Variants in SLC4A5 observed in about 807,000 individuals in gnomAD.
The protein encoded by SLC4A5 is solute carrier family 4 member 5.
SLC4A5 carries 96 observed loss-of-function variants against 120.4 expected under a neutral mutation model. The observed-to-expected ratio is 0.80, with a 90% CI of 0.68 to 0.94. The LOEUF is 0.94. SLC4A5 is among the 40% of genes least tolerant of loss of function. SLC4A5 has a pLI of 0.00. For synonymous variants in SLC4A5, 550 were observed against 571.1 expected, an observed-to-expected ratio of 0.96 and a Z score of 0.53; for missense variants, 1,259 against 1,459.5, an observed-to-expected ratio of 0.86 and a Z score of 2.24.
rs1476764484 is a variant in SLC4A5 at position 74,227,888 on chromosome 2, G to C, written c.2848-10C>G. 6.3e-7 allele frequency: 1 copy of C among 1,599,314 alleles called. No individual in the cohort carries two copies. Among genetic ancestry groups the C allele is most frequent in the Non-Finnish European group, 8.5e-7 (1 of 1,173,474 alleles). ...CCGGCAGGGGGATACACTAAAATGA[G>C]AGCAGAGCTTTGGATCGGCCTCTGC... On this transcript the variant is annotated splice_polypyrimidine_tract_variant and intron_variant, in intron 25 of 30. Coordinates refer to ENST00000394019, the Ensembl canonical transcript of SLC4A5.
intron 5 of SLC4A5, among the ~76,000 whole-genome samples, chr2:74,318,957 G>T (rs1422093458): frequency 6.6e-6 from 1 of 152,108 alleles, no homozygotes; most frequent in Non-Finnish European, 1.5e-5. Context: ...CAACCTAAGT[G>T]TAATCAATGG....
At chr2:74,258,001 T>C (rs1376119647) in intron 12 of SLC4A5, among the ~76,000 whole-genome samples, 1 of 152,226 alleles carries the variant, frequency 6.6e-6, no homozygotes, top group Non-Finnish European at 1.5e-5. Context: ...GGGAGCATGC[T>C]AGTGTTCCAA....
intron 27 of SLC4A5, among the ~76,000 whole-genome samples, 176 bp from the exon 28 acceptor site, chr2:74,225,171 T>C (rs1201405190): frequency 6.6e-6 from 1 of 152,184 alleles, no homozygotes; most frequent in East Asian, 1.9e-4. Context: ...CCCTCCACCG[T>C]AGTTCCTCTT....
rs189761350 is a variant in SLC4A5 at position 74,275,677 on chromosome 2, T to C, written c.401+10096A>G. 4.6e-5 allele frequency among the ~76,000 whole-genome samples: 7 copies of C among 152,366 alleles called. No individual in the cohort carries two copies. In the East Asian group the frequency reaches 1.3e-3, roughly 29 times the overall value. On this transcript the variant is annotated intron_variant, in intron 8 of 30. Transcript: ENST00000394019. ...CTAACTCGCATCACACTTTTTATCA[T>C]TTATCACATAACACTTCCTAATCAC...
At chr2:74,248,601 C>A in intron 17 of SLC4A5, 115 bp from the exon 18 acceptor site, 1 of 1,268,534 alleles carries the variant, frequency 7.9e-7, no homozygotes, top group Non-Finnish European at 1.1e-6. Flanking sequence ...ATCCTTCGTT[C>A]TGGGCCCTTT....
rs144558314 is a variant in SLC4A5 at position 74,254,880 on chromosome 2, C to T, written c.1026-174G>A. Among the ~76,000 whole-genome samples the T allele has an allele frequency of 6.6e-3, 990 of 150,424 alleles. 7 individuals are homozygous for T. The highest frequency in any genetic ancestry group is 0.02 in the South Asian group (93 of 4,748). ...ACCCAGGCTGCATGGAGTGCAGTGG[C>T]GCAATCTTGGCTCACTGCAACCTCC... On this transcript the variant is annotated intron_variant, in intron 13 of 30. Coordinates refer to ENST00000394019, the Ensembl canonical transcript of SLC4A5.
chr2:74,274,385 G>A (rs1671574472), intron 8 of SLC4A5, among the ~76,000 whole-genome samples: 1 of 151,738 alleles, frequency 6.6e-6, no homozygotes, highest in Admixed American at 6.6e-5. Context: ...AAAATCACAT[G>A]CATGAAAATA....
At chr2:74,222,792 T>C in intron 29 of SLC4A5, 76 bp downstream of exon 29, 1 of 1,302,086 alleles carries the variant, frequency 7.7e-7, no homozygotes, top group Non-Finnish European at 1.1e-6. Context: ...CCCCCTGAGT[T>C]ACAGATGAAA....
intron 7 of SLC4A5, among the ~76,000 whole-genome samples, chr2:74,292,656 G>T (rs1386813921): frequency 6.6e-6 from 1 of 152,072 alleles, no homozygotes; most frequent in Non-Finnish European, 1.5e-5. Context: ...GCCACACAAA[G>T]AATCATGCTT....
intron 8 of SLC4A5, among the ~76,000 whole-genome samples, chr2:74,285,074 T>A (rs1671939103): frequency 6.6e-6 from 1 of 152,058 alleles, no homozygotes; most frequent in African/African-American, 2.4e-5. Context: ...TGAGACCTTA[T>A]CACTACAAAA....
intron 8 of SLC4A5, among the ~76,000 whole-genome samples, chr2:74,268,546 T>A (rs1671376251): frequency 6.6e-6 from 1 of 152,272 alleles, no homozygotes; most frequent in Non-Finnish European, 1.5e-5. Context: ...TTCTAATTAT[T>A]CTTTATTATT....
chr2:74,319,634 A>G (rs1391632154), intron 5 of SLC4A5: 1 of 152,026 alleles, frequency 6.6e-6, no homozygotes, highest in African/African-American at 2.4e-5. Flanking sequence ...CCCTCCCTAT[A>G]TGATTGTTTG....
chr2:74,317,678 A>C (rs1196507288), intron 5 of SLC4A5, among the ~76,000 whole-genome samples: 1 of 152,234 alleles, frequency 6.6e-6, no homozygotes, highest in African/African-American at 2.4e-5. Flanking sequence ...TGGGGAAACA[A>C]AAAGGAGTTA....
intron 8 of SLC4A5, among the ~76,000 whole-genome samples, chr2:74,275,998 A>AT (rs1671626850): frequency 6.6e-6 from 1 of 152,198 alleles, no homozygotes; most frequent in Non-Finnish European, 1.5e-5. Context: ...TGCCTGCTTT[A>AT]TACCAGATTG....
At chr2:74,285,703 C>T (rs1209329973) in intron 8 of SLC4A5, 70 bp downstream of exon 8, 2 of 1,573,568 alleles carry the variant, frequency 1.3e-6, no homozygotes, top group Non-Finnish European at 1.7e-6. Context: ...CACTTCCCAC[C>T]AGGAGGGTCA....
At chr2:74,289,307 C>A (rs1340108163) in intron 7 of SLC4A5, among the ~76,000 whole-genome samples, 1 of 151,294 alleles carries the variant, frequency 6.6e-6, no homozygotes, top group East Asian at 1.9e-4. Flanking sequence ...TTTTAAATTT[C>A]TCAATTTTTC....
At chr2:74,228,151 C>T (rs891885589) in intron 25 of SLC4A5, among the ~76,000 whole-genome samples, 1 of 152,186 alleles carries the variant, frequency 6.6e-6, no homozygotes, top group South Asian at 2.1e-4. Flanking sequence ...TGTGGTCTGG[C>T]TAAAGAAATG....
chr2:74,220,082 GT>G (rs1297528458), intron 30 of SLC4A5, among the ~76,000 whole-genome samples: 1 of 152,240 alleles, frequency 6.6e-6, no homozygotes, highest in African/African-American at 2.4e-5. Flanking sequence ...TGTAATTACT[GT>G]TTGATCCCTG....
chr2:74,332,537 A>G (rs1673387359), intron 4 of SLC4A5, among the ~76,000 whole-genome samples: 1 of 151,944 alleles, frequency 6.6e-6, no homozygotes, highest in South Asian at 2.1e-4. Flanking sequence ...CTCTTCTCTC[A>G]TTGATACTCA....
Sources: gnomAD v4.1 joint callset for allele counts (sites outside exome capture counted in the v4.1 genomes callset) on GRCh38, gnomAD v4.1.1 for gene constraint, MANE v1.5 for transcripts, NCBI Gene and HGNC (gene_info 2026-07-23, HGNC 2026-07-21) for gene names.